DYNC1LI1: variants seen among roughly 807,000 people sequenced by gnomAD.
The protein encoded by DYNC1LI1 is cytoplasmic dynein 1 light intermediate chain 1.
A neutral mutation model predicts 63.8 loss-of-function variants in DYNC1LI1; 19 were observed. The ratio of observed to expected loss-of-function variants is 0.30; its 90% CI spans 0.21 to 0.44. DYNC1LI1 has a LOEUF of 0.44. DYNC1LI1 is among the 20% of genes least tolerant of loss of function. The pLI, the probability that DYNC1LI1 is intolerant of heterozygous loss-of-function variation, is 1.00. For synonymous variants in DYNC1LI1, 225 were observed against 232.3 expected, an observed-to-expected ratio of 0.97 and a Z score of 0.28; for missense variants, 565 against 630.2, an observed-to-expected ratio of 0.90 and a Z score of 1.11.
At chr3:32,544,408 A>T (rs1420850093) in intron 4 of DYNC1LI1, among the ~76,000 whole-genome samples, 1 of 152,202 alleles carries the variant, frequency 6.6e-6, no homozygotes, top group African/African-American at 2.4e-5. Context: ...ACAGTTTACC[A>T]TTGTGTCTTA....
Position 32,529,570 on chromosome 3 carries a change from C to T in DYNC1LI1, c.1276G>A (p.Gly426Arg), listed in dbSNP as rs1697667704. 1 of 1,607,256 alleles carries T rather than the reference C, an allele frequency of 6.2e-7. No individual in the cohort carries two copies. Among genetic ancestry groups the T allele is most frequent in the African/African-American group, 1.3e-5 (1 of 74,700 alleles). ...ATGTTTGGATCAATTTTTTTTGACC[C>T]AGCAGGAATGGGTGACACGCTGGCA... is the stretch of plus-strand genomic sequence containing the variant. ...NVASVSPIPA[G>R]SKKIDPNMKA... Residue 426 changes from glycine to arginine, a missense_variant, in exon 11 of 13, where the codon GGG (glycine) becomes AGG (arginine). Physicochemically the swap from Gly to Arg is moderately radical, Grantham distance 125. Coordinates refer to ENST00000273130, the MANE Select transcript of DYNC1LI1 (RefSeq NM_016141.4).
chr3:32,544,184 A>G (rs2125437405), intron 4 of DYNC1LI1, among the ~76,000 whole-genome samples: 1 of 152,378 alleles, frequency 6.6e-6, no homozygotes, highest in Non-Finnish European at 1.5e-5. Context: ...TGTACTTTAT[A>G]AATCATAAAA....
At chr3:32,552,416 C>T (rs549490119) in intron 2 of DYNC1LI1, among the ~76,000 whole-genome samples, 1 of 152,286 alleles carries the variant, frequency 6.6e-6, no homozygotes, top group Admixed American at 6.5e-5. Flanking sequence ...TCCACTTAGC[C>T]TCCCAAGCAC....
intron 2 of DYNC1LI1, among the ~76,000 whole-genome samples, chr3:32,568,651 T>C (rs1474558263): frequency 6.6e-6 from 1 of 151,992 alleles, no homozygotes; most frequent in Admixed American, 6.6e-5. Flanking sequence ...AAATTAGGTA[T>C]ACCAAAAAAT....
rs760731349 is a variant in DYNC1LI1 at position 32,570,818 on chromosome 3, G to C, written c.-48C>G. ...CCCGGCAAGACTAAATGTGCGAGGCGGCTGAGGCGGTGGCGGTGGAGGCGG... is the reference window on the plus strand; with the variant it reads ...CCCGGCAAGACTAAATGTGCGAGGCCGCTGAGGCGGTGGCGGTGGAGGCGG... On this transcript the variant is annotated 5_prime_UTR_variant, in exon 1 of 13. Transcript: ENST00000273130. 6 of 1,569,028 alleles carry C rather than the reference G, an allele frequency of 3.8e-6. No individual in the cohort carries two copies. The highest frequency in any genetic ancestry group is 1.4e-5 in the African/African-American group (1 of 72,528).
intron 6 of DYNC1LI1, among the ~76,000 whole-genome samples, chr3:32,535,495 G>C (rs1697762040): frequency 6.6e-6 from 1 of 152,140 alleles, no homozygotes; most frequent in South Asian, 2.1e-4. Context: ...TATTTTCTGG[G>C]ACATGACCTG....
intron 2 of DYNC1LI1, among the ~76,000 whole-genome samples, chr3:32,563,895 T>C (rs1379117129): frequency 6.6e-6 from 1 of 152,266 alleles, no homozygotes; most frequent in Non-Finnish European, 1.5e-5. Flanking sequence ...CTGTTCATCA[T>C]TTGTTCAACA....
At chr3:32,566,244 C>CACT (rs1698258119) in intron 2 of DYNC1LI1, among the ~76,000 whole-genome samples, 1 of 151,880 alleles carries the variant, frequency 6.6e-6, no homozygotes, top group Non-Finnish European at 1.5e-5. Flanking sequence ...TACGCTCCAG[C>CACT]CTGGGTGACA....
At chr3:32,557,158 T>C (rs1372980608) in intron 2 of DYNC1LI1, among the ~76,000 whole-genome samples, 1 of 152,152 alleles carries the variant, frequency 6.6e-6, no homozygotes, top group Non-Finnish European at 1.5e-5. Flanking sequence ...TATTCACCTA[T>C]ACAATTAGAA....
chr3:32,570,428 A>C lies in DYNC1LI1; in HGVS notation c.147-9T>G. The C allele has an allele frequency of 6.3e-7, 1 of 1,594,660 alleles. No individual in the cohort carries two copies. The highest frequency in any genetic ancestry group is 1.1e-5 in the South Asian group (1 of 88,134). Reference sequence around the variant, plus strand: ...CGCTGAGGATGCAGGACCTAACGGGAAGCAAGGCGTACGGTGAGGCCGGAG... The same window carrying C: ...CGCTGAGGATGCAGGACCTAACGGGCAGCAAGGCGTACGGTGAGGCCGGAG... On this transcript the variant is annotated splice_polypyrimidine_tract_variant and intron_variant, in intron 1 of 12. Transcript: ENST00000273130.
intron 2 of DYNC1LI1, among the ~76,000 whole-genome samples, chr3:32,553,746 A>G (rs1399764381): frequency 6.6e-6 from 1 of 152,222 alleles, no homozygotes; most frequent in Non-Finnish European, 1.5e-5. Context: ...GAGGGGCGTG[A>G]TTATCTCCCA....
intron 2 of DYNC1LI1, among the ~76,000 whole-genome samples, chr3:32,562,846 T>C (rs1698211149): frequency 6.6e-6 from 1 of 152,216 alleles, no homozygotes; most frequent in Admixed American, 6.5e-5. Context: ...ATAGGGAGGC[T>C]GACTCTTAAG....
At chr3:32,570,117 A>G (rs1286338660) in intron 2 of DYNC1LI1, 1 of 676,088 alleles carries the variant, frequency 1.5e-6, no homozygotes, top group Non-Finnish European at 2.7e-6. Flanking sequence ...CCACCCCCAT[A>G]TACCGGGGAG....
intron 2 of DYNC1LI1, among the ~76,000 whole-genome samples, chr3:32,554,545 G>A (rs990995990): frequency 3.9e-5 from 6 of 152,134 alleles, no homozygotes; most frequent in African/African-American, 1.4e-4. Flanking sequence ...GGGAAACTGA[G>A]GCCAAGGCTA....
intron 2 of DYNC1LI1, among the ~76,000 whole-genome samples, chr3:32,550,987 A>T (rs1459909000): frequency 6.6e-6 from 1 of 151,692 alleles, no homozygotes; most frequent in Non-Finnish European, 1.5e-5. Flanking sequence ...TGTAAAAAAA[A>T]TTTTAACAGC....
rs1292389896 is a variant in DYNC1LI1, at chr3:32,532,485, G to GTATATATATATATATATATA, written c.1080+500_1080+501insTATATATATATATATATATA. ...CATCTCAAAAAAAAAAAAAAAATGT[G>GTATATATATATATATATATA]TGTATATATATATATATATATAAAA... On this transcript the variant is annotated intron_variant, in intron 8 of 12. Transcript: ENST00000273130. The GTATATATATATATATATATA allele has an allele frequency of 7.0e-4, 86 of 122,286 alleles. 2 individuals are homozygous for GTATATATATATATATATATA. The highest frequency in any genetic ancestry group is 1.3e-3 in the African/African-American group (45 of 34,614). 7.6% of individuals were successfully genotyped at this position (122,286 alleles called of 1,614,324 possible).
At chr3:32,528,683 G>T in intron 11 of DYNC1LI1, 82 bp from the exon 12 acceptor site, 1 of 1,329,890 alleles carries the variant, frequency 7.5e-7, no homozygotes, top group Non-Finnish European at 1.0e-6. Context: ...ATCACACATA[G>T]AAAATGAATA....
chr3:32,531,995 T>C (rs1697704128), intron 8 of DYNC1LI1: 1 of 152,200 alleles, frequency 6.6e-6, no homozygotes, highest in Non-Finnish European at 1.5e-5. Context: ...TTTCAGATTT[T>C]TGAGCATTTT....
At chr3:32,564,636 G>C (rs917434753) in intron 2 of DYNC1LI1, among the ~76,000 whole-genome samples, 5 of 152,148 alleles carry the variant, frequency 3.3e-5, no homozygotes, top group African/African-American at 4.8e-5. Context: ...ATTTTTAGTA[G>C]TAGTAACATA....
Sources: allele counts gnomAD v4.1 joint callset (sites outside exome capture counted in the v4.1 genomes callset), GRCh38; gene constraint gnomAD v4.1.1; transcripts MANE v1.5; gene names NCBI Gene and HGNC (gene_info 2026-07-23, HGNC 2026-07-21).